Variants in SOX5 observed in about 807,000 individuals in gnomAD.
SOX5 encodes transcription factor SOX-5.
SOX5 carries 9 observed loss-of-function variants against 92.0 expected under a neutral mutation model. That is an observed-to-expected ratio of 0.10 (90% CI 0.06 to 0.17). SOX5 has a LOEUF of 0.17. SOX5 is among the 10% of genes least tolerant of loss of function. The pLI, the probability that SOX5 is intolerant of heterozygous loss-of-function variation, is 1.00. For missense variants in SOX5, 642 were observed against 944.5 expected, an observed-to-expected ratio of 0.68 and a Z score of 4.20; for synonymous variants, 344 against 336.3, an observed-to-expected ratio of 1.02 and a Z score of -0.25.
rs546133263 is a variant in SOX5, at chr12:23,534,557, G to C, written c.1989-35C>G. On this transcript the variant is annotated intron_variant, in intron 14 of 14. Transcript: ENST00000451604. ...AAGGAATTTCCAAAAAGACATCGTG[G>C]GTAAGTGAATAGTTAGATGTGGACT... The C allele has an allele frequency of 2.6e-6, 4 of 1,555,308 alleles. No individual in the cohort carries two copies. In the South Asian group the frequency reaches 4.5e-5, roughly 18 times the overall value.
intron 3 of SOX5, among the ~76,000 whole-genome samples, chr12:24,229,092 G>A (rs1962781675): frequency 6.6e-6 from 1 of 152,250 alleles, no homozygotes; most frequent in African/African-American, 2.4e-5. Context: ...TATCTGTAGT[G>A]CAGCCACACC....
At chr12:24,334,514 G>A (rs61909953) in intron 2 of SOX5, among the ~76,000 whole-genome samples, 6,336 of 152,152 alleles carry the variant, frequency 0.042, 184 homozygotes, top group Non-Finnish European at 0.059. Context: ...ATTGCCTGTC[G>A]TTTTGCCAAA....
At chr12:23,814,439 TACA>T (rs1277738982) in intron 3 of SOX5, among the ~76,000 whole-genome samples, 1 of 152,136 alleles carries the variant, frequency 6.6e-6, no homozygotes, top group Non-Finnish European at 1.5e-5. Context: ...GAAAAGACTG[TACA>T]ACAGAGAAGC....
chr12:23,539,217 T>G (rs1234144038), intron 13 of SOX5, among the ~76,000 whole-genome samples: 4 of 152,152 alleles, frequency 2.6e-5, no homozygotes, highest in African/African-American at 9.7e-5. Flanking sequence ...TGCTTAGAAG[T>G]AATCTGCCTT....
intron 1 of SOX5, among the ~76,000 whole-genome samples, chr12:24,376,138 G>A (rs1038196279): frequency 2.6e-5 from 4 of 152,214 alleles, no homozygotes; most frequent in Admixed American, 2.6e-4. Context: ...TCATAAATCT[G>A]AGATACTATG....
intron 1 of SOX5, among the ~76,000 whole-genome samples, chr12:24,414,092 T>A (rs1282863298): frequency 6.6e-6 from 1 of 152,244 alleles, no homozygotes; most frequent in East Asian, 1.9e-4. Context: ...CTCCCATTTA[T>A]ATTCACAGTC....
At chr12:23,685,430 T>C (rs16926597) in intron 6 of SOX5, among the ~76,000 whole-genome samples, 5,594 of 152,028 alleles carry the variant, frequency 0.037, 342 homozygotes, top group African/African-American at 0.13. Flanking sequence ...GAAGACAAAA[T>C]AGGACCTGAG....
intron 9 of SOX5, among the ~76,000 whole-genome samples, chr12:23,586,886 G>A (rs1038063448): frequency 6.7e-6 from 1 of 150,356 alleles, no homozygotes; most frequent in African/African-American, 2.4e-5. Flanking sequence ...ATAAATAAAA[G>A]GCACAGTATA....
chr12:23,812,478 T>C (rs2095893468), intron 3 of SOX5, among the ~76,000 whole-genome samples: 6 of 152,148 alleles, frequency 3.9e-5, no homozygotes. Context: ...GATTTTTTTT[T>C]TTCCGGAAAG....
chr12:24,129,572 A>C (rs1047029198), intron 4 of SOX5, among the ~76,000 whole-genome samples: 7 of 152,168 alleles, frequency 4.6e-5, no homozygotes, highest in Non-Finnish European at 2.9e-5. Flanking sequence ...TTTTAATTGC[A>C]CATGGAGGGT....
At chr12:24,506,058 C>T (rs894830886) in intron 1 of SOX5, among the ~76,000 whole-genome samples, 1 of 152,092 alleles carries the variant, frequency 6.6e-6, no homozygotes, top group Non-Finnish European at 1.5e-5. Flanking sequence ...CTATTAATAA[C>T]AGCAATAATA....
chr12:23,919,375 G>C (rs2097456116), intron 1 of SOX5, among the ~76,000 whole-genome samples: 1 of 152,160 alleles, frequency 6.6e-6, no homozygotes. Flanking sequence ...ATAAGTTTGT[G>C]ACCTTTGGTT....
At chr12:24,501,966 AG>A (rs1347634885) in intron 1 of SOX5, among the ~76,000 whole-genome samples, 9 of 152,210 alleles carry the variant, frequency 5.9e-5, no homozygotes, top group Non-Finnish European at 2.9e-5. Flanking sequence ...TCCTGGGAAA[AG>A]ACACAGATGT....
At chr12:24,479,393 C>T (rs539005932) in intron 1 of SOX5, among the ~76,000 whole-genome samples, 16 of 152,304 alleles carry the variant, frequency 1.1e-4, no homozygotes, top group African/African-American at 3.6e-4. Context: ...GTGCTTACCT[C>T]GGCCAAGCAC....
At chr12:24,221,896 C>T (rs1392048847) in intron 3 of SOX5, among the ~76,000 whole-genome samples, 1 of 152,140 alleles carries the variant, frequency 6.6e-6, no homozygotes, top group Non-Finnish European at 1.5e-5. Context: ...AGCACGATGG[C>T]ATACTGTATT....
chr12:24,077,794 T>C (rs945122257), intron 4 of SOX5, among the ~76,000 whole-genome samples: 1 of 145,122 alleles, frequency 6.9e-6, no homozygotes, highest in African/African-American at 2.5e-5. Context: ...TATATATATA[T>C]ATATATATAT....
At chr12:23,896,088 T>C in intron 1 of SOX5, 64 bp from the exon 2 acceptor site, 1 of 1,156,246 alleles carries the variant, frequency 8.6e-7, no homozygotes, top group Non-Finnish European at 1.3e-6. Flanking sequence ...GCCGTCATTG[T>C]GTGGTTAGGG....
chr12:24,263,152 G>A (rs1214731937), intron 3 of SOX5, among the ~76,000 whole-genome samples: 2 of 152,120 alleles, frequency 1.3e-5, no homozygotes, highest in East Asian at 3.9e-4. Context: ...CTTGAACCGG[G>A]AGGCAGAGGT....
At chr12:23,993,017 T>C (rs934532284) in intron 4 of SOX5, among the ~76,000 whole-genome samples, 20 of 152,310 alleles carry the variant, frequency 1.3e-4, no homozygotes, top group Admixed American at 1.1e-3. Context: ...AATGAGTATA[T>C]TGACAATTAA....
Sources: gnomAD v4.1 joint callset for allele counts (sites outside exome capture counted in the v4.1 genomes callset) on GRCh38, gnomAD v4.1.1 for gene constraint, MANE v1.5 for transcripts, NCBI Gene and HGNC (gene_info 2026-07-23, HGNC 2026-07-21) for gene names.